The following ZNF804B variants were observed in gnomAD, a reference collection of about 807,000 sequenced individuals.
ZNF804B encodes zinc finger protein 804B, also known as zinc finger 804B.
In ZNF804B, 80 loss-of-function variants were observed where a neutral mutation model predicts 101.4. That is an observed-to-expected ratio of 0.79 (90% CI 0.66 to 0.95). The LOEUF (loss-of-function observed/expected upper bound fraction) is 0.95, where lower values mean the gene tolerates loss of function less well. ZNF804B is among the 40% of genes least tolerant of loss of function. The pLI is 0.00. For synonymous variants in ZNF804B, 622 were observed against 558.8 expected (o/e 1.11, Z -1.59); for missense variants, 1,673 against 1,561.9 (o/e 1.07, Z -1.20).
intron 1 of ZNF804B, among the ~76,000 whole-genome samples, chr7:89,214,639 C>T (rs1290829265): frequency 6.6e-6 from 1 of 152,112 alleles, no homozygotes; most frequent in Non-Finnish European, 1.5e-5. Flanking sequence ...GTGAGAGAGA[C>T]ATTAACTTCT....
chr7:88,937,004 G>A (rs79068669), intron 1 of ZNF804B, among the ~76,000 whole-genome samples: 2,821 of 151,644 alleles, frequency 0.019, 45 homozygotes, highest in Non-Finnish European at 0.03. Flanking sequence ...TTAAAGACAT[G>A]GATATAAAGA....
At chr7:89,293,082 A>G (rs750555120) in intron 2 of ZNF804B, among the ~76,000 whole-genome samples, 41 of 151,696 alleles carry the variant, frequency 2.7e-4, no homozygotes, top group Non-Finnish European at 5.9e-4. Context: ...ATTTTTCTGG[A>G]GGTCATTTTT....
At chr7:89,009,918 G>T (rs749944299) in intron 1 of ZNF804B, among the ~76,000 whole-genome samples, 2 of 152,166 alleles carry the variant, frequency 1.3e-5, no homozygotes, top group African/African-American at 2.4e-5. Flanking sequence ...TCCCATGGGA[G>T]AGAAGAATGT....
At chr7:89,157,784 G>T (rs190446131) in intron 1 of ZNF804B, among the ~76,000 whole-genome samples, 1 of 152,084 alleles carries the variant, frequency 6.6e-6, no homozygotes, top group East Asian at 1.9e-4. Flanking sequence ...AGACAGGTCA[G>T]GTGTGTGACT....
intron 1 of ZNF804B, among the ~76,000 whole-genome samples, chr7:89,018,088 T>A (rs752204462): frequency 6.6e-6 from 1 of 152,156 alleles, no homozygotes; most frequent in Non-Finnish European, 1.5e-5. Context: ...ATTCTTCGCA[T>A]GTTCGATATA....
At chr7:88,974,004 C>A (rs1258467424) in intron 1 of ZNF804B, among the ~76,000 whole-genome samples, 1 of 151,316 alleles carries the variant, frequency 6.6e-6, no homozygotes, top group Non-Finnish European at 1.5e-5. Context: ...AAGTCTCACA[C>A]TTAGTACAAT....
chr7:88,762,587 T>C (rs974654979), intron 1 of ZNF804B, among the ~76,000 whole-genome samples: 3 of 152,222 alleles, frequency 2.0e-5, no homozygotes, highest in Non-Finnish European at 2.9e-5. Flanking sequence ...CATTCCCCAG[T>C]TATTTTCAGG....
intron 1 of ZNF804B, among the ~76,000 whole-genome samples, chr7:89,122,170 T>A (rs1790417074): frequency 6.6e-6 from 1 of 152,150 alleles, no homozygotes; most frequent in Non-Finnish European, 1.5e-5. Context: ...ATTGGCCACA[T>A]GTAGCTACTT....
intron 1 of ZNF804B, among the ~76,000 whole-genome samples, chr7:89,145,243 T>A (rs1562896511): frequency 6.6e-6 from 1 of 152,028 alleles, no homozygotes; most frequent in Non-Finnish European, 1.5e-5. Context: ...TTAAAAAATA[T>A]TGCCAATTAA....
chr7:89,313,813 C>G (rs551656750), intron 2 of ZNF804B, among the ~76,000 whole-genome samples: 11 of 152,118 alleles, frequency 7.2e-5, no homozygotes, highest in Non-Finnish European at 1.5e-4. Context: ...ACCACCTTCC[C>G]TTTCTTTTCC....
intron 1 of ZNF804B, among the ~76,000 whole-genome samples, chr7:89,099,744 A>G (rs981638664): frequency 6.6e-6 from 1 of 152,216 alleles, no homozygotes; most frequent in African/African-American, 2.4e-5. Context: ...ACTTGTAAGA[A>G]TAAGGCAAAC....
chr7:89,102,809 T>C (rs75822185), intron 1 of ZNF804B, among the ~76,000 whole-genome samples: 5,698 of 152,058 alleles, frequency 0.037, 178 homozygotes, highest in Non-Finnish European at 0.061. Flanking sequence ...TTTTATAGTT[T>C]CAGGTCCTAC....
intron 1 of ZNF804B, among the ~76,000 whole-genome samples, chr7:88,913,324 C>G (rs1379512400): frequency 1.3e-5 from 2 of 152,122 alleles, no homozygotes; most frequent in African/African-American, 2.4e-5. Context: ...AATTCAAATT[C>G]ATTACTTCTG....
In ZNF804B at chr7:89,333,970, C is replaced by T. The variant is rs1791030027; in HGVS notation, c.988C>T (p.His330Tyr). ...TGCTTCATTCTCTAAATCTAACATT[C>T]ATCTTTCAGATGTAGATTTTACTCC... ...IHASFSKSNI[H>Y]LSDVDFTPTS... Residue 330 changes from histidine to tyrosine, a missense_variant, in exon 4 of 4, where the codon CAT (histidine) becomes TAT (tyrosine). Physicochemically the swap from His to Tyr is moderately conservative, Grantham distance 83 (BLOSUM62 2). Transcript: ENST00000333190. 6.2e-7 allele frequency: 1 copy of T among 1,613,362 alleles called. No individual in the cohort carries two copies. Among genetic ancestry groups the T allele is most frequent in the Non-Finnish European group, 8.5e-7 (1 of 1,179,728 alleles).
chr7:89,036,576 A>G (rs2116240740), intron 1 of ZNF804B, among the ~76,000 whole-genome samples: 1 of 152,222 alleles, frequency 6.6e-6, no homozygotes, highest in South Asian at 2.1e-4. Context: ...AAATGATTGT[A>G]TTTTACAAAA....
intron 1 of ZNF804B, among the ~76,000 whole-genome samples, chr7:89,085,637 G>A (rs1440148535): frequency 2.6e-5 from 4 of 151,980 alleles, no homozygotes; most frequent in African/African-American, 7.2e-5. Flanking sequence ...TGCCTTACAA[G>A]TGTCTCTGTG....
chr7:88,895,802 T>G (rs1311386383), intron 1 of ZNF804B, among the ~76,000 whole-genome samples: 1 of 152,210 alleles, frequency 6.6e-6, no homozygotes, highest in Non-Finnish European at 1.5e-5. Flanking sequence ...CAGAATAAAC[T>G]GTATTGGATT....
At chr7:88,883,653 T>G (rs1395938698) in intron 1 of ZNF804B, among the ~76,000 whole-genome samples, 1 of 152,128 alleles carries the variant, frequency 6.6e-6, no homozygotes, top group Non-Finnish European at 1.5e-5. Flanking sequence ...ATATGCTTGT[T>G]AAACCCACAG....
chr7:89,321,289 G>A (rs191916147), intron 2 of ZNF804B, among the ~76,000 whole-genome samples: 236 of 152,136 alleles, frequency 1.6e-3, no homozygotes, highest in African/African-American at 5.0e-3. Context: ...GACTGTCCTG[G>A]CTAACAAGAT....
Sources: allele counts gnomAD v4.1 joint callset (sites outside exome capture counted in the v4.1 genomes callset), GRCh38; gene constraint gnomAD v4.1.1; transcripts MANE v1.5; gene names NCBI Gene and HGNC (gene_info 2026-07-23, HGNC 2026-07-21).